Variants in DCDC2 observed in about 807,000 individuals in gnomAD.
DCDC2 encodes doublecortin domain containing 2.
A neutral mutation model predicts 50.2 loss-of-function variants in DCDC2; 40 were observed. The observed-to-expected ratio is 0.80, with a 90% CI of 0.62 to 1.04. The LOEUF (loss-of-function observed/expected upper bound fraction) is 1.04. Among genes scored for constraint, DCDC2 ranks in the 50% least tolerant of loss-of-function variants. DCDC2 has a pLI of 0.00. For synonymous variants in DCDC2, 234 were observed against 210.6 expected (o/e 1.11, Z -0.96); for missense variants, 570 against 581.9 (o/e 0.98, Z 0.21).
intron 7 of DCDC2, among the ~76,000 whole-genome samples, chr6:24,226,396 G>A (rs994308316): frequency 6.6e-6 from 1 of 152,208 alleles, no homozygotes. Flanking sequence ...AATCTGACCA[G>A]GCTCCCACAA....
Position 24,226,206 on chromosome 6 carries a change from C to T in DCDC2, c.923-21104G>A, listed in dbSNP as rs75881488. Among the ~76,000 whole-genome samples, 1,465 of 152,270 alleles carry T rather than the reference C, an allele frequency of 9.6e-3. 12 individuals carry two copies. Among genetic ancestry groups the T allele is most frequent in the African/African-American group, 0.019 (796 of 41,554 alleles). ...CTCCAAGATTCAGGTATTGTGGTAA[C>T]ATTTTGGATGCAAAGATTAACAAAA... is the stretch of plus-strand genomic sequence containing the variant. On this transcript the variant is annotated intron_variant, in intron 7 of 9. Transcript: ENST00000378454.
At chr6:24,275,587 C>T (rs28993079) in intron 7 of DCDC2, among the ~76,000 whole-genome samples, 16,333 of 152,090 alleles carry the variant, frequency 0.11, 965 homozygotes, top group Middle Eastern at 0.16. Flanking sequence ...AAGACACCAG[C>T]AGCGTTTCCT....
intron 8 of DCDC2, among the ~76,000 whole-genome samples, chr6:24,197,023 A>C (rs149205843): frequency 6.6e-6 from 1 of 152,336 alleles, no homozygotes; most frequent in East Asian, 1.9e-4. Flanking sequence ...TCGAACAAAT[A>C]AACTAGGCAA....
At chr6:24,288,274 C>T (rs778051556) in intron 6 of DCDC2, among the ~76,000 whole-genome samples, 1 of 152,202 alleles carries the variant, frequency 6.6e-6, no homozygotes, top group Non-Finnish European at 1.5e-5. Context: ...ACATGGAGCT[C>T]ACCCCATCAG....
At chr6:24,221,170 T>C (rs1487633270) in intron 7 of DCDC2, among the ~76,000 whole-genome samples, 1 of 152,144 alleles carries the variant, frequency 6.6e-6, no homozygotes, top group Non-Finnish European at 1.5e-5. Flanking sequence ...GAGGGCACCT[T>C]GATTACCTGA....
chr6:24,244,018 A>T (rs1483255506), intron 7 of DCDC2, among the ~76,000 whole-genome samples: 2 of 152,256 alleles, frequency 1.3e-5, no homozygotes, highest in Non-Finnish European at 2.9e-5. Flanking sequence ...AATAAGGTTT[A>T]TTAAGTAGCA....
At chr6:24,359,160 T>TTATATATATTATATATTTTATATATTA (rs1760583105), upstream of DCDC2, among the ~76,000 whole-genome samples, 1 of 66,242 alleles carries the variant, frequency 1.5e-5, no homozygotes, top group Non-Finnish European at 2.5e-5. Flanking sequence ...TTTATATATT[T>TTATATATATTATATATTTTATATATTA]TATATATTTT....
intron 7 of DCDC2, among the ~76,000 whole-genome samples, chr6:24,242,020 A>G (rs1762571998): frequency 6.6e-6 from 1 of 152,048 alleles, no homozygotes; most frequent in Non-Finnish European, 1.5e-5. Flanking sequence ...AATTTTTTTT[A>G]AAACATTAGC....
chr6:24,311,910 C>T (rs1437320473), intron 2 of DCDC2, among the ~76,000 whole-genome samples: 2 of 152,192 alleles, frequency 1.3e-5, no homozygotes, highest in Non-Finnish European at 2.9e-5. Flanking sequence ...CCAAGCTAAG[C>T]CATCATATCC....
chr6:24,198,928 C>G (rs1023420095), intron 8 of DCDC2, among the ~76,000 whole-genome samples: 2 of 152,230 alleles, frequency 1.3e-5, no homozygotes, highest in African/African-American at 4.8e-5. Flanking sequence ...TGTAGCTCCT[C>G]AAAGCCACTG....
At chr6:24,338,235 CAT>C (rs1178632575) in intron 2 of DCDC2, among the ~76,000 whole-genome samples, 4 of 152,208 alleles carry the variant, frequency 2.6e-5, no homozygotes, top group African/African-American at 7.2e-5. Context: ...CATACACACA[CAT>C]GTGCACATGC....
At chr6:24,324,276 T>TG (rs1313841277) in intron 2 of DCDC2, among the ~76,000 whole-genome samples, 1 of 152,186 alleles carries the variant, frequency 6.6e-6, no homozygotes, top group African/African-American at 2.4e-5. Flanking sequence ...ATGGCCCCAG[T>TG]GACCACCCCC....
At chr6:24,364,232 G>T in the DCDC2 span, among the ~76,000 whole-genome samples, 4 of 151,948 alleles carry the variant, frequency 2.6e-5, no homozygotes, top group African/African-American at 9.7e-5. Context: ...TTCTCTATAG[G>T]TTTTATCAAT....
chr6:24,267,868 A>G (rs926408513), intron 7 of DCDC2, among the ~76,000 whole-genome samples: 1 of 152,170 alleles, frequency 6.6e-6, no homozygotes, highest in Non-Finnish European at 1.5e-5. Context: ...CATGCTAGCT[A>G]CTGATCTGAT....
chr6:24,345,220 C>A (rs184334519), intron 2 of DCDC2, among the ~76,000 whole-genome samples: 36 of 152,212 alleles, frequency 2.4e-4, no homozygotes, highest in African/African-American at 8.7e-4. Flanking sequence ...TAATTAATGC[C>A]TGGAATCCCA....
intron 8 of DCDC2, among the ~76,000 whole-genome samples, chr6:24,194,053 T>C (rs2113753124): frequency 6.6e-6 from 1 of 152,214 alleles, no homozygotes; most frequent in Admixed American, 6.5e-5. Context: ...TGCCATCACT[T>C]GTAAGAACCA....
the DCDC2 span, among the ~76,000 whole-genome samples, chr6:24,381,959 AGAAGGAAGGAAGGAAGGAAG>A: frequency 5.8e-5 from 6 of 103,704 alleles, no homozygotes; most frequent in South Asian, 1.9e-3. Flanking sequence ...AAGGAAAGAA[AGAAGGAAGGAAGGAAGGAAG>A]GAAGGAAGGA....
At chr6:24,324,788 T>C (rs1759828956) in intron 2 of DCDC2, among the ~76,000 whole-genome samples, 1 of 148,608 alleles carries the variant, frequency 6.7e-6, no homozygotes, top group Non-Finnish European at 1.5e-5. Context: ...GAGGGTGAGG[T>C]GGGAGGAAAA....
chr6:24,297,444 G>T (rs1309137449), intron 4 of DCDC2, among the ~76,000 whole-genome samples: 4 of 152,078 alleles, frequency 2.6e-5, no homozygotes, highest in Non-Finnish European at 5.9e-5. Context: ...ACCTGCACAT[G>T]TACCCGTGAA....
Sources: gnomAD v4.1 joint callset for allele counts (sites outside exome capture counted in the v4.1 genomes callset) on GRCh38, gnomAD v4.1.1 for gene constraint, MANE v1.5 for transcripts, NCBI Gene and HGNC (gene_info 2026-07-23, HGNC 2026-07-21) for gene names.